The following RPS6KA1 variants were observed in gnomAD, a reference collection of about 807,000 sequenced individuals.
The protein encoded by RPS6KA1 is ribosomal protein S6 kinase alpha-1.
Under a neutral mutation model 91.3 loss-of-function variants are expected in RPS6KA1, and 48 were observed. That is an observed-to-expected ratio of 0.53 (90% CI 0.42 to 0.67). The LOEUF is 0.67. Among genes scored for constraint, RPS6KA1 ranks in the 30% least tolerant of loss-of-function variants. The pLI, the probability that RPS6KA1 is intolerant of heterozygous loss-of-function variation, is 0.00. For synonymous variants in RPS6KA1, 359 were observed against 384.7 expected (o/e 0.93, Z 0.78); for missense variants, 719 against 960.5 (o/e 0.75, Z 3.32).
rs989296219 is a variant in RPS6KA1 at position 26,547,864 on chromosome 1, C to G, written c.307+594C>G. On this transcript the variant is annotated intron_variant, in intron 4 of 21. Coordinates refer to ENST00000374168, the MANE Select transcript of RPS6KA1 (RefSeq NM_002953.4). This position sits in a 1 kb window ranked among gnomAD's most constrained non-coding sequence, Gnocchi z 4.1. The stretch of plus-strand genomic sequence containing the variant: ...ACCACTGACCCGGCAGAGTCATAGC[C>G]AAGTCTCTCTTTAAATAAGTCAAGG... Among the ~76,000 whole-genome samples the G allele has an allele frequency of 6.6e-6, 1 of 152,178 alleles. No individual in the cohort carries two copies. The highest frequency in any genetic ancestry group is 1.5e-5 in the Non-Finnish European group (1 of 68,026).
At chr1:26,531,928 CA>C (rs1269516773) in intron 1 of RPS6KA1, among the ~76,000 whole-genome samples, 16 of 152,180 alleles carry the variant, frequency 1.1e-4, no homozygotes, top group African/African-American at 3.9e-4. Context: ...GGGCTGTTCT[CA>C]CTGGAGAACA....
rs201565442 is a variant in RPS6KA1 at position 26,557,023 on chromosome 1, C to T, written c.1007C>T (p.Pro336Leu). ...WNKLYRREIK[P>L]PFKPAVAQPD... ...AAGCTATACCGTCGTGAGATCAAGC[C>T]ACCCTTCAAGCCAGCAGTGGCTCAG... Residue 336 changes from proline to leucine, a missense_variant, in exon 13 of 22, where the codon CCA (proline) becomes CTA (leucine). By Grantham distance (98) the Pro-to-Leu change is moderately conservative. Transcript: ENST00000374168. The T allele has an allele frequency of 6.2e-7, 1 of 1,614,118 alleles. No homozygotes were observed. The highest frequency in any genetic ancestry group is 1.3e-5 in the African/African-American group (1 of 75,050).
intron 1 of RPS6KA1, among the ~76,000 whole-genome samples, chr1:26,532,335 C>T (rs1009649492): frequency 6.6e-6 from 1 of 152,220 alleles, no homozygotes; most frequent in African/African-American, 2.4e-5. Flanking sequence ...AACAGCTTCT[C>T]AAGATAGGGA....
At chr1:26,560,491 C>T (rs373015084) in intron 14 of RPS6KA1, among the ~76,000 whole-genome samples, 3 of 152,224 alleles carry the variant, frequency 2.0e-5, no homozygotes, top group East Asian at 1.9e-4. Context: ...GCCCTCTGAC[C>T]ACAGGCTGCA....
At chr1:26,572,443 AG>A in intron 20 of RPS6KA1, 150 bp downstream of exon 20, 1 of 627,550 alleles carries the variant, frequency 1.6e-6, no homozygotes, top group Non-Finnish European at 2.9e-6. Flanking sequence ...GAAGATTCCC[AG>A]GCAGACCACC....
intron 2 of RPS6KA1, chr1:26,545,840 C>CTCTG: frequency 6.7e-7 from 1 of 1,490,554 alleles, no homozygotes; most frequent in South Asian, 1.3e-5. Flanking sequence ...GTCCCGGCCA[C>CTCTG]CACTGCGGCA....
In RPS6KA1 at chr1:26,552,064, G is replaced by A. The variant is rs539059551; in HGVS notation, c.468+341G>A. On this transcript the variant is annotated intron_variant, in intron 6 of 21. Coordinates refer to ENST00000374168, the MANE Select transcript of RPS6KA1 (RefSeq NM_002953.4). Reference sequence around the variant, plus strand: ...CCAGAGACTTTAGCAGTCATCTTGCGTATGTCATCCAAAAGGATTTTGAAC... The same window carrying A: ...CCAGAGACTTTAGCAGTCATCTTGCATATGTCATCCAAAAGGATTTTGAAC... 4.6e-5 allele frequency among the ~76,000 whole-genome samples: 7 copies of A among 152,318 alleles called. No homozygotes were observed. In the South Asian group the frequency reaches 1.4e-3, roughly 32 times the overall value.
Position 26,571,253 on chromosome 1 carries a change from C to G in RPS6KA1, c.1591-196C>G. 1.7e-6 allele frequency: 1 copy of G among 588,910 alleles called. No homozygotes were observed. The highest frequency in any genetic ancestry group is 3.0e-6 in the Non-Finnish European group (1 of 330,370). 36.5% of individuals were successfully genotyped at this position (588,910 alleles called of 1,614,324 possible). A position where few individuals can be genotyped will look rare whatever the true frequency, so the allele number is the denominator to read the frequency against. On this transcript the variant is annotated intron_variant, in intron 17 of 21. Coordinates refer to ENST00000374168, the MANE Select transcript of RPS6KA1 (RefSeq NM_002953.4). The surrounding 1 kb of genome is among the most constrained non-coding windows in gnomAD (Gnocchi z 5.1). ...GTTTTGACAGGTTAACTTAGAGCTACCTGTAGACACCTACACAGAGTCAGT... is the reference window on the plus strand; with the variant it reads ...GTTTTGACAGGTTAACTTAGAGCTAGCTGTAGACACCTACACAGAGTCAGT...
Position 26,532,266 on chromosome 1 carries a change from G to A in RPS6KA1, c.63+2283G>A, listed in dbSNP as rs1471042531. 2.6e-5 allele frequency among the ~76,000 whole-genome samples: 4 copies of A among 152,304 alleles called. No homozygotes were observed. The South Asian group carries it at 6.2e-4, about 24-fold the overall frequency. ...CCCAGGCCCAGTTCTGCCACGTACA[G>A]AGCTTTACTATGTGCCACCCACTCT... On this transcript the variant is annotated intron_variant, in intron 1 of 21. Coordinates refer to ENST00000374168, the MANE Select transcript of RPS6KA1 (RefSeq NM_002953.4).
rs201125214 is a variant in RPS6KA1, at chr1:26,574,096, G to C, written c.2103G>C (p.Thr701=). The part of the protein sequence containing the change: ...LQLVKGAMAA[T]YSALNSSKPT... ...TCTTTCAGGGAGCCATGGCTGCCAC[G>C]TACTCCGCACTCAACAGCTCCAAGC... The change falls in exon 22 of 22, where the codon ACG becomes ACC. Residue 701 remains threonine (T), a synonymous_variant. Coordinates refer to ENST00000374168, the MANE Select transcript of RPS6KA1 (RefSeq NM_002953.4). This position sits in a 1 kb window ranked among gnomAD's most constrained non-coding sequence, Gnocchi z 4.3. The C allele has an allele frequency of 5.0e-6, 8 of 1,613,892 alleles. No homozygotes were observed. The highest frequency in any genetic ancestry group is 1.3e-5 in the African/African-American group (1 of 74,908).
At chr1:26,536,189 G>A (rs1212288452) in intron 1 of RPS6KA1, among the ~76,000 whole-genome samples, 1 of 150,014 alleles carries the variant, frequency 6.7e-6, no homozygotes, top group Non-Finnish European at 1.5e-5. Flanking sequence ...TGGTGCCACA[G>A]GTGCGAGGCA....
At chr1:26,573,937 C>CAAA (rs34694705) in intron 21 of RPS6KA1, 142 bp from the exon 22 acceptor site, 302 of 772,236 alleles carry the variant, frequency 3.9e-4, no homozygotes, top group Non-Finnish European at 4.6e-4. Flanking sequence ...GACTGTATCT[C>CAAA]AAAAAAAAAA....
At chr1:26,569,334 G>T (rs1029148970) in intron 17 of RPS6KA1, among the ~76,000 whole-genome samples, 25 of 152,148 alleles carry the variant, frequency 1.6e-4, no homozygotes, top group African/African-American at 5.8e-4. Context: ...CAGGGTAGTT[G>T]GTGTCCTCAG....
rs1283791300 is a variant in RPS6KA1, at chr1:26,561,918, C to A, written c.1590+255C>A. On this transcript the variant is annotated intron_variant, in intron 17 of 21. Transcript: ENST00000374168. This position sits in a 1 kb window ranked among gnomAD's most constrained non-coding sequence, Gnocchi z 5.7. ...TAAGGTTTAGCATAAGATGAAGTTTCCAGACCAGGCATGGTAGCTCACGCC... is the reference window on the plus strand; with the variant it reads ...TAAGGTTTAGCATAAGATGAAGTTTACAGACCAGGCATGGTAGCTCACGCC... Among the ~76,000 whole-genome samples the A allele has an allele frequency of 6.6e-6, 1 of 151,976 alleles. No homozygotes were observed. The highest frequency in any genetic ancestry group is 2.4e-5 in the African/African-American group (1 of 41,380).
At position 26,574,361 on chromosome 1, in the gene RPS6KA1, C is replaced by CA; in HGVS notation, c.*160_*161insA. ...ACCCCTAATGAGGGTGTGAGAAGTG[C>CA]CTTCTCCTTCCCCAGGATGGACTCT... On this transcript the variant is annotated 3_prime_UTR_variant, in exon 22 of 22. Coordinates refer to ENST00000374168, the MANE Select transcript of RPS6KA1 (RefSeq NM_002953.4). This position sits in a 1 kb window ranked among gnomAD's most constrained non-coding sequence, Gnocchi z 4.3. 2.3e-6 allele frequency: 2 copies of CA among 863,632 alleles called. No homozygotes were observed. The highest frequency in any genetic ancestry group is 4.0e-6 in the Non-Finnish European group (2 of 497,572). The allele number at this position is 863,632 out of a possible 1,614,324, so 53.5% of individuals were successfully genotyped here.
intron 2 of RPS6KA1, among the ~76,000 whole-genome samples, chr1:26,539,146 C>T (rs1055348936): frequency 1.3e-5 from 2 of 152,234 alleles, no homozygotes; most frequent in African/African-American, 2.4e-5. Context: ...CCATGTTGGG[C>T]AGAGACGTAT....
At position 26,561,443 on chromosome 1, in the gene RPS6KA1, G is replaced by A; in HGVS notation, c.1432-62G>A. 1.2e-6 allele frequency: 2 copies of A among 1,605,400 alleles called. No individual in the cohort carries two copies. Among genetic ancestry groups the A allele is most frequent in the Non-Finnish European group, 1.7e-6 (2 of 1,172,656 alleles). ...TCATTCTTCCCTGCTCTGGGGCGCTGCTGACCAGGGGGCTCAGGCCTGACA... is the reference window on the plus strand; with the variant it reads ...TCATTCTTCCCTGCTCTGGGGCGCTACTGACCAGGGGGCTCAGGCCTGACA... On this transcript the variant is annotated intron_variant, in intron 16 of 21. Transcript: ENST00000374168. This position sits in a 1 kb window ranked among gnomAD's most constrained non-coding sequence, Gnocchi z 5.7.
intron 4 of RPS6KA1, among the ~76,000 whole-genome samples, chr1:26,549,782 A>G (rs964101656): frequency 2.8e-5 from 4 of 141,614 alleles, no homozygotes; most frequent in African/African-American, 1.1e-4. Flanking sequence ...GCTCACTGCA[A>G]CCTCCGCTCC....
intron 12 of RPS6KA1, 104 bp downstream of exon 12, chr1:26,556,822 A>C: frequency 7.2e-7 from 1 of 1,393,902 alleles, no homozygotes; most frequent in South Asian, 1.2e-5. Flanking sequence ...CCCCAGACGC[A>C]GGAGCAGAGG....
Sources: allele counts gnomAD v4.1 joint callset (sites outside exome capture counted in the v4.1 genomes callset), GRCh38; gene constraint gnomAD v4.1.1; non-coding constraint Gnocchi (gnomAD v3.1); transcripts MANE v1.5; gene names NCBI Gene and HGNC (gene_info 2026-07-23, HGNC 2026-07-21).